The following TBL1XR1 variants were observed in gnomAD, a reference collection of about 807,000 sequenced individuals.
TBL1XR1 encodes the protein TBL1X/Y related 1, also known as F-box-like/WD repeat-containing protein TBL1XR1.
A neutral mutation model predicts 66.9 loss-of-function variants in TBL1XR1; 5 were observed. The ratio of observed to expected loss-of-function variants is 0.07; its 90% CI spans 0.04 to 0.16. The LOEUF (loss-of-function observed/expected upper bound fraction) is 0.16, where lower values mean the gene tolerates loss of function less well. Among genes scored for constraint, TBL1XR1 ranks in the 10% least tolerant of loss-of-function variants. The pLI is 1.00. For synonymous variants in TBL1XR1, 210 were observed against 206.0 expected, an observed-to-expected ratio of 1.02 and a Z score of -0.17; for missense variants, 238 against 623.2, an observed-to-expected ratio of 0.38 and a Z score of 6.58.
rs1355786741 is a variant in TBL1XR1 at position 177,024,501 on chromosome 3, C to CA, written c.*996dup. The CA allele has an allele frequency of 6.6e-6, 1 of 152,202 alleles. No individual in the cohort carries two copies. Among genetic ancestry groups the CA allele is most frequent in the Non-Finnish European group, 1.5e-5 (1 of 67,906 alleles). The allele number at this position is 152,202 out of a possible 1,614,324, so 9.4% of individuals were successfully genotyped here. On this transcript the variant is annotated 3_prime_UTR_variant, in exon 16 of 16. Coordinates refer to ENST00000457928, the MANE Select transcript of TBL1XR1 (RefSeq NM_024665.7). ...AAAACAAAGCAAAACAAACAAACAA[C>CA]AAAAAACCCAAAACTACGTTGCTCC...
At chr3:177,174,356 C>T (rs1047151817) in intron 1 of TBL1XR1, among the ~76,000 whole-genome samples, 3 of 130,836 alleles carry the variant, frequency 2.3e-5, no homozygotes, top group Non-Finnish European at 4.6e-5. Context: ...TTGCAGTGAG[C>T]TGAGATAGTG....
At chr3:177,063,286 A>G (rs1035392056) in intron 3 of TBL1XR1, among the ~76,000 whole-genome samples, 1 of 152,168 alleles carries the variant, frequency 6.6e-6, no homozygotes, top group Non-Finnish European at 1.5e-5. Flanking sequence ...TACTGCTCTC[A>G]TTAACACCAC....
intron 1 of TBL1XR1, among the ~76,000 whole-genome samples, chr3:177,167,499 A>G (rs1425160696): frequency 6.6e-6 from 1 of 152,256 alleles, no homozygotes; most frequent in Non-Finnish European, 1.5e-5. Flanking sequence ...TAATGATGTC[A>G]ACTTAGGTTC....
rs3188954 is a variant in TBL1XR1 at position 177,021,600 on chromosome 3, C to T, written c.*3898G>A. ...TAAATGTGACACTTCAGAGCTACTACTGGAAGGAGTAATTCATAACTTCCC... is the reference window on the plus strand; with the variant it reads ...TAAATGTGACACTTCAGAGCTACTATTGGAAGGAGTAATTCATAACTTCCC... On this transcript the variant is annotated 3_prime_UTR_variant, in exon 16 of 16. Coordinates refer to ENST00000457928, the MANE Select transcript of TBL1XR1 (RefSeq NM_024665.7). 0.069 allele frequency: 10,491 copies of T among 152,600 alleles called. 482 individuals are homozygous for T. The highest frequency in any genetic ancestry group is 0.14 in the Admixed American group (2,193 of 15,264). 9.5% of individuals were successfully genotyped at this position (152,600 alleles called of 1,614,324 possible). A position where few individuals can be genotyped will look rare whatever the true frequency, so the allele number is the denominator to read the frequency against.
At chr3:177,166,487 G>T (rs1732837872) in intron 1 of TBL1XR1, among the ~76,000 whole-genome samples, 1 of 152,136 alleles carries the variant, frequency 6.6e-6, no homozygotes. Context: ...AGGGCCTCAT[G>T]GGAGGTGAAT....
chr3:177,052,342 C>CA (rs1437727739), intron 4 of TBL1XR1, among the ~76,000 whole-genome samples: 1 of 152,166 alleles, frequency 6.6e-6, no homozygotes, highest in African/African-American at 2.4e-5. Flanking sequence ...GAAATACAAA[C>CA]AGTACAAATT....
chr3:177,176,055 T>C (rs935490674), intron 1 of TBL1XR1, among the ~76,000 whole-genome samples: 4 of 145,110 alleles, frequency 2.8e-5, no homozygotes, highest in African/African-American at 7.8e-5. Flanking sequence ...CGAGACTCTG[T>C]CTCTAAAAAA....
At chr3:177,032,764 T>C in intron 14 of TBL1XR1, 1 of 342,072 alleles carries the variant, frequency 2.9e-6, no homozygotes, top group Middle Eastern at 7.8e-4. Context: ...AATACAATAA[T>C]AAATAATAAA....
intron 1 of TBL1XR1, among the ~76,000 whole-genome samples, chr3:177,102,821 CATTA>C (rs1254768329): frequency 2.0e-5 from 3 of 152,136 alleles, no homozygotes; most frequent in Middle Eastern, 3.2e-3. Context: ...CAGCTTCCTC[CATTA>C]ATTATCCACC....
At chr3:177,074,966 G>A (rs1036148218) in intron 2 of TBL1XR1, among the ~76,000 whole-genome samples, 1 of 152,152 alleles carries the variant, frequency 6.6e-6, no homozygotes, top group Non-Finnish European at 1.5e-5. Context: ...ATGTAATGAT[G>A]TAAGACAACA....
intron 1 of TBL1XR1, among the ~76,000 whole-genome samples, chr3:177,101,362 CA>C (rs1405459938): frequency 1.3e-5 from 2 of 152,174 alleles, no homozygotes; most frequent in African/African-American, 4.8e-5. Flanking sequence ...ATAAAATCTA[CA>C]AATCTATGTA....
chr3:177,073,098 C>T (rs1720256537), intron 2 of TBL1XR1, among the ~76,000 whole-genome samples: 1 of 152,062 alleles, frequency 6.6e-6, no homozygotes. Context: ...GTAAGTAATA[C>T]AAAATTTCCA....
intron 4 of TBL1XR1, among the ~76,000 whole-genome samples, chr3:177,052,894 A>C (rs1032898623): frequency 1.3e-5 from 2 of 152,158 alleles, no homozygotes; most frequent in African/African-American, 4.8e-5. Context: ...ACCTGAGGTC[A>C]GGAGTCAAGA....
In TBL1XR1 at chr3:177,194,993, A is replaced by G. The variant is rs148714687; in HGVS notation, c.-122+2128T>C. Among the ~76,000 whole-genome samples, 11 of 152,276 alleles carry G rather than the reference A, an allele frequency of 7.2e-5. No individual in the cohort carries two copies. In the East Asian group the frequency reaches 1.9e-3, roughly 27 times the overall value. On this transcript the variant is annotated intron_variant, in intron 1 of 15. Coordinates refer to ENST00000457928, the MANE Select transcript of TBL1XR1 (RefSeq NM_024665.7). ...TAAACTGACGGTGAGCTTTGCAACA[A>G]TTTTTATGCCATTAACATGTCACTT...
intron 10 of TBL1XR1, among the ~76,000 whole-genome samples, chr3:177,042,907 TA>T (rs893266322): frequency 2.5e-4 from 38 of 152,152 alleles, no homozygotes; most frequent in African/African-American, 8.7e-4. Context: ...TTACTGACTT[TA>T]TTTTTAAAAA....
intron 1 of TBL1XR1, among the ~76,000 whole-genome samples, chr3:177,149,236 T>G (rs938342720): frequency 6.6e-6 from 1 of 152,018 alleles, no homozygotes; most frequent in Non-Finnish European, 1.5e-5. Flanking sequence ...TCAAACTGAG[T>G]GTCTAGTATT....
chr3:177,051,825 T>A, intron 4 of TBL1XR1, 99 bp from the exon 5 acceptor site: 1 of 1,369,420 alleles, frequency 7.3e-7, no homozygotes, highest in Non-Finnish European at 9.6e-7. Flanking sequence ...TCTTCGTTCC[T>A]AAAAAAACAT....
At chr3:177,165,115 T>A (rs150658457) in intron 1 of TBL1XR1, among the ~76,000 whole-genome samples, 2,398 of 152,240 alleles carry the variant, frequency 0.016, 56 homozygotes, top group African/African-American at 0.055. Flanking sequence ...AAAACTATCT[T>A]TGTTCACAGA....
intron 1 of TBL1XR1, among the ~76,000 whole-genome samples, chr3:177,117,562 T>A (rs1726451577): frequency 6.6e-6 from 1 of 152,212 alleles, no homozygotes; most frequent in African/African-American, 2.4e-5. Context: ...ATAGGCAGCA[T>A]AAGCTCTCGG....
Sources: allele counts gnomAD v4.1 joint callset (sites outside exome capture counted in the v4.1 genomes callset), GRCh38; gene constraint gnomAD v4.1.1; transcripts MANE v1.5; gene names NCBI Gene and HGNC (gene_info 2026-07-23, HGNC 2026-07-21).